The following SH3RF3 variants were observed in gnomAD, a reference collection of about 807,000 sequenced individuals.
The protein encoded by SH3RF3 is SH3 domain containing ring finger 3, also known as E3 ubiquitin-protein ligase SH3RF3.
SH3RF3 carries 29 observed loss-of-function variants against 66.3 expected under a neutral mutation model. That is an observed-to-expected ratio of 0.44 (90% CI 0.33 to 0.60). SH3RF3 has a LOEUF of 0.60. Ranked by LOEUF, SH3RF3 falls within the 20% of genes least tolerant of loss-of-function variation. SH3RF3 has a pLI of 0.04. For synonymous variants in SH3RF3, 583 were observed against 532.0 expected, an observed-to-expected ratio of 1.10 and a Z score of -1.32; for missense variants, 1,194 against 1,190.9, an observed-to-expected ratio of 1.00 and a Z score of -0.04.
intron 1 of SH3RF3, among the ~76,000 whole-genome samples, chr2:109,204,091 C>T (rs1308657545): frequency 1.3e-5 from 2 of 152,218 alleles, no homozygotes; most frequent in Admixed American, 1.3e-4. Context: ...CACTGGCTGT[C>T]ATGAACAGTC....
intron 8 of SH3RF3, among the ~76,000 whole-genome samples, chr2:109,477,971 G>T (rs888851717): frequency 3.3e-5 from 5 of 152,148 alleles, no homozygotes; most frequent in Non-Finnish European, 5.9e-5. Flanking sequence ...GAGGGTTCCC[G>T]CAAGGGCCTC....
At chr2:109,419,720 G>C in intron 5 of SH3RF3, 78 bp downstream of exon 5, 1 of 1,380,394 alleles carries the variant, frequency 7.2e-7, no homozygotes, top group Non-Finnish European at 9.9e-7. Flanking sequence ...TCCACGTGTG[G>C]TTTCCGCAGG....
At chr2:109,466,769 G>A (rs1559098645) in intron 8 of SH3RF3, among the ~76,000 whole-genome samples, 1 of 152,154 alleles carries the variant, frequency 6.6e-6, no homozygotes, top group Non-Finnish European at 1.5e-5. Flanking sequence ...ATATCTGTGT[G>A]CATGTCTATA....
At position 109,347,741 on chromosome 2, in the gene SH3RF3, A is replaced by T; in HGVS notation, c.641A>T (p.Lys214Met). Residue 214 changes from lysine (K) to methionine (M), a missense_variant, in exon 2 of 10, where the codon AAG becomes ATG. Transcript: ENST00000309415. The stretch of plus-strand genomic sequence containing the variant: ...GAGGGGAAGGAACCTGGTGACCTCA[A>T]GTTCAACAAGGGGGACATCATCGTC... ...SYEGKEPGDL[K>M]FNKGDIIVLR... 6.2e-7 allele frequency: 1 copy of T among 1,613,968 alleles called. No individual in the cohort carries two copies. The highest frequency in any genetic ancestry group is 1.1e-5 in the South Asian group (1 of 91,068).
At chr2:109,247,538 GC>G (rs1393565832) in intron 1 of SH3RF3, among the ~76,000 whole-genome samples, 1 of 152,162 alleles carries the variant, frequency 6.6e-6, no homozygotes, top group Non-Finnish European at 1.5e-5. Context: ...TGTCAGTCCA[GC>G]CTGCTGTGCT....
At chr2:109,452,531 C>A (rs1677904731) in intron 8 of SH3RF3, among the ~76,000 whole-genome samples, 1 of 152,222 alleles carries the variant, frequency 6.6e-6, no homozygotes, top group South Asian at 2.1e-4. Context: ...CCCTTCCATG[C>A]ATGTACCAGA....
At chr2:109,277,671 A>G (rs751930070) in intron 1 of SH3RF3, among the ~76,000 whole-genome samples, 21 of 152,120 alleles carry the variant, frequency 1.4e-4, no homozygotes, top group Non-Finnish European at 2.9e-4. Flanking sequence ...GTCCTCTCCC[A>G]CTCAGGGTGC....
intron 3 of SH3RF3, among the ~76,000 whole-genome samples, chr2:109,385,181 CTCAGTTTCCTCATCTGTG>C (rs1440207963): frequency 4.3e-4 from 66 of 152,354 alleles, no homozygotes; most frequent in African/African-American, 1.6e-3. Context: ...CTCCCTGTGC[CTCAGTTTCCTCATCTGTG>C]TAATGGGAGT....
chr2:109,364,850 G>A (rs1054000361), intron 2 of SH3RF3, among the ~76,000 whole-genome samples: 3 of 152,110 alleles, frequency 2.0e-5, no homozygotes, highest in African/African-American at 4.8e-5. Flanking sequence ...CAGCACTTTG[G>A]GAGGCCAGTG....
chr2:109,235,857 C>T (rs1010015344), intron 1 of SH3RF3, among the ~76,000 whole-genome samples: 5 of 152,196 alleles, frequency 3.3e-5, no homozygotes, highest in African/African-American at 9.7e-5. Flanking sequence ...CTGATAAAAC[C>T]TCTTAACCCT....
intron 1 of SH3RF3, among the ~76,000 whole-genome samples, chr2:109,266,545 T>G (rs1247118708): frequency 6.6e-6 from 1 of 152,070 alleles, no homozygotes; most frequent in Admixed American, 6.5e-5. Flanking sequence ...GTGAAGTCCT[T>G]AAACCACTGG....
intron 4 of SH3RF3, among the ~76,000 whole-genome samples, chr2:109,403,661 C>A (rs1430024500): frequency 6.6e-6 from 1 of 152,224 alleles, no homozygotes; most frequent in African/African-American, 2.4e-5. Flanking sequence ...TGAGGCCAGG[C>A]TCAATGCAGG....
chr2:109,196,713 C>T (rs1678509345), intron 1 of SH3RF3, among the ~76,000 whole-genome samples: 1 of 152,178 alleles, frequency 6.6e-6, no homozygotes, highest in African/African-American at 2.4e-5. Context: ...TGGTGTGTGC[C>T]TCCTCCCGGA....
intron 7 of SH3RF3, among the ~76,000 whole-genome samples, chr2:109,440,282 G>A (rs1382377098): frequency 6.6e-6 from 1 of 152,222 alleles, no homozygotes; most frequent in Non-Finnish European, 1.5e-5. Flanking sequence ...AAGCACTCAG[G>A]AAGGGGAAGC....
intron 7 of SH3RF3, among the ~76,000 whole-genome samples, chr2:109,441,596 CA>C (rs1454995176): frequency 2.0e-5 from 3 of 152,088 alleles, no homozygotes; most frequent in Non-Finnish European, 4.4e-5. Context: ...TGGAGGTCTC[CA>C]ATGTAGAGGA....
At chr2:109,265,858 A>G (rs1680477982) in intron 1 of SH3RF3, among the ~76,000 whole-genome samples, 1 of 152,216 alleles carries the variant, frequency 6.6e-6, no homozygotes, top group Non-Finnish European at 1.5e-5. Context: ...GGTGGACACC[A>G]CTGAGCTGGG....
chr2:109,329,387 A>G (rs1228028282), intron 1 of SH3RF3, among the ~76,000 whole-genome samples: 2 of 152,230 alleles, frequency 1.3e-5, no homozygotes, highest in African/African-American at 4.8e-5. Flanking sequence ...CCAAAGAATC[A>G]AGTGGACCTG....
intron 1 of SH3RF3, among the ~76,000 whole-genome samples, chr2:109,196,057 G>C (rs1018762116): frequency 2.0e-5 from 3 of 152,220 alleles, no homozygotes; most frequent in Admixed American, 2.0e-4. Context: ...AGGTGATGTC[G>C]AAGGGCTCCA....
At chr2:109,373,902 T>C (rs538123298) in intron 3 of SH3RF3, among the ~76,000 whole-genome samples, 44 of 152,214 alleles carry the variant, frequency 2.9e-4, no homozygotes, top group African/African-American at 7.2e-4. Context: ...TCAGGCACCA[T>C]TGGGAGTCCG....
Sources: allele counts gnomAD v4.1 joint callset (sites outside exome capture counted in the v4.1 genomes callset), GRCh38; gene constraint gnomAD v4.1.1; transcripts MANE v1.5; gene names NCBI Gene and HGNC (gene_info 2026-07-23, HGNC 2026-07-21).